CHRNA7: variants seen among roughly 807,000 people sequenced by gnomAD.
The protein encoded by CHRNA7 is neuronal acetylcholine receptor subunit alpha-7.
CHRNA7 carries 17 observed loss-of-function variants against 48.0 expected under a neutral mutation model. The observed-to-expected ratio is 0.35, with a 90% confidence interval of 0.24 to 0.53. The LOEUF is 0.53. Among genes scored for constraint, CHRNA7 ranks in the 20% least tolerant of loss-of-function variants. The pLI is 0.92. For missense variants in CHRNA7, 155 were observed against 577.7 expected (o/e 0.27, Z 7.50); for synonymous variants, 75 against 242.3 (o/e 0.31, Z 6.41).
At chr15:32,048,919 C>T (rs2049609754) in intron 2 of CHRNA7, among the ~76,000 whole-genome samples, 4 of 151,080 alleles carry the variant, frequency 2.6e-5, no homozygotes, top group Admixed American at 2.6e-4. Flanking sequence ...GCCTTCATTT[C>T]GTTATGTACC....
In CHRNA7 at chr15:32,030,622, C is replaced by G; in HGVS notation, c.28C>G (p.Leu10Val). The change falls in exon 1 of 10, where the codon CTG (leucine) becomes GTG (valine). Residue 10 changes from leucine (L) to valine (V), a missense_variant. By Grantham distance (32) the Leu-to-Val change is conservative. Transcript: ENST00000306901. The stretch of plus-strand genomic sequence containing the variant: ...GCGCTGCTCGCCGGGAGGCGTCTGG[C>G]TGGCGCTGGCCGCGTCGCTCCTGCA... The part of the protein sequence containing the change: MRCSPGGVW[L>V]ALAASLLHVS... The G allele has an allele frequency of 1.9e-6, 3 of 1,568,396 alleles. No individual in the cohort carries two copies. Among genetic ancestry groups the G allele is most frequent in the South Asian group, 2.3e-5 (2 of 85,794 alleles).
chr15:32,147,538 G>A (rs1189714532), intron 4 of CHRNA7, among the ~76,000 whole-genome samples: 3 of 152,114 alleles, frequency 2.0e-5, no homozygotes, highest in Non-Finnish European at 4.4e-5. Context: ...GGGTGACAAA[G>A]CATGACCCTG....
intron 2 of CHRNA7, among the ~76,000 whole-genome samples, chr15:32,060,554 A>G (rs537439329): frequency 5.9e-5 from 9 of 152,350 alleles, no homozygotes; most frequent in African/African-American, 2.2e-4. Flanking sequence ...AAATGCTTTA[A>G]GAAAACACAA....
chr15:32,074,500 A>G (rs1025900543), intron 2 of CHRNA7, among the ~76,000 whole-genome samples: 1 of 151,378 alleles, frequency 6.6e-6, no homozygotes, highest in Non-Finnish European at 1.5e-5. Flanking sequence ...AACTGTAGCT[A>G]TAACTGTTTT....
intron 4 of CHRNA7, among the ~76,000 whole-genome samples, chr15:32,122,852 C>T (rs2050996353): frequency 7.6e-6 from 1 of 131,000 alleles, no homozygotes; most frequent in Admixed American, 8.0e-5. Flanking sequence ...TTAAAACACT[C>T]ATGATAAAGG....
At chr15:32,133,412 C>G (rs1279991851) in intron 4 of CHRNA7, among the ~76,000 whole-genome samples, 2 of 152,212 alleles carry the variant, frequency 1.3e-5, no homozygotes, top group Non-Finnish European at 2.9e-5. Flanking sequence ...CCGTGGAGCC[C>G]AGCTCTCTCC....
At chr15:32,087,725 A>G (rs181689085) in intron 2 of CHRNA7, among the ~76,000 whole-genome samples, 1 of 152,326 alleles carries the variant, frequency 6.6e-6, no homozygotes, top group East Asian at 1.9e-4. Flanking sequence ...ATACATGTAC[A>G]GTAGTTTCAG....
intron 2 of CHRNA7, among the ~76,000 whole-genome samples, chr15:32,081,407 TTATC>T (rs1314461736): frequency 6.6e-6 from 1 of 152,204 alleles, no homozygotes; most frequent in African/African-American, 2.4e-5. Flanking sequence ...TGTATTTTGT[TTATC>T]TTTTTTATAT....
chr15:32,086,954 G>A (rs1423248253), intron 2 of CHRNA7, among the ~76,000 whole-genome samples: 1 of 152,094 alleles, frequency 6.6e-6, no homozygotes, highest in Non-Finnish European at 1.5e-5. Flanking sequence ...CAGGTCCCTC[G>A]ACTGCAAAGT....
At chr15:32,030,514 T>G (rs1381495419), upstream of CHRNA7, 13 of 1,298,490 alleles carry the variant, frequency 1.0e-5, no homozygotes, top group Non-Finnish European at 1.3e-5. Context: ...AGCGGCGAGG[T>G]GCCTCTGTGG....
intron 2 of CHRNA7, among the ~76,000 whole-genome samples, chr15:32,053,867 T>C (rs184228033): frequency 6.6e-6 from 1 of 152,078 alleles, no homozygotes; most frequent in African/African-American, 2.4e-5. Flanking sequence ...AGCTCGTAGG[T>C]GTAGGAGCTG....
At chr15:32,080,934 T>C (rs1566825040) in intron 2 of CHRNA7, among the ~76,000 whole-genome samples, 1 of 152,172 alleles carries the variant, frequency 6.6e-6, no homozygotes, top group Non-Finnish European at 1.5e-5. Context: ...GTGGTACATA[T>C]ACACCATGGA....
chr15:32,146,135 C>T (rs2051484582), intron 4 of CHRNA7, among the ~76,000 whole-genome samples: 1 of 152,186 alleles, frequency 6.6e-6, no homozygotes, highest in African/African-American at 2.4e-5. Context: ...CAAGTTTAGG[C>T]TTCTATTAGG....
At chr15:32,146,175 G>C (rs2141348172) in intron 4 of CHRNA7, among the ~76,000 whole-genome samples, 1 of 152,294 alleles carries the variant, frequency 6.6e-6, no homozygotes, top group East Asian at 1.9e-4. Flanking sequence ...TTTCAAAAAA[G>C]TCCATTAATA....
At chr15:32,069,687 C>G (rs1367989090) in intron 2 of CHRNA7, among the ~76,000 whole-genome samples, 1 of 152,116 alleles carries the variant, frequency 6.6e-6, no homozygotes, top group Non-Finnish European at 1.5e-5. Context: ...CCACTGAATT[C>G]TGTACTTTAA....
intron 2 of CHRNA7, among the ~76,000 whole-genome samples, 187 bp downstream of exon 2, chr15:32,031,224 C>T (rs1266680198): frequency 6.6e-6 from 1 of 152,122 alleles, no homozygotes; most frequent in Non-Finnish European, 1.5e-5. Context: ...TTCTCGGTTT[C>T]CCCTCCAGCC....
chr15:32,149,468 C>A lies in CHRNA7; in HGVS notation c.351-4439C>A, dbSNP rs756023908. ...ATTTCCCACCTCAGATCACTGTTTT[C>A]AAACTCAGTTTTCAGCAACAGGGCC... is the stretch of plus-strand genomic sequence containing the variant. On this transcript the variant is annotated intron_variant, in intron 4 of 9. Coordinates refer to ENST00000306901, the MANE Select transcript of CHRNA7 (RefSeq NM_000746.6). The surrounding 1 kb of genome is among the most constrained non-coding windows in gnomAD (Gnocchi z 4.6). Among the ~76,000 whole-genome samples the A allele has an allele frequency of 6.6e-6, 1 of 152,194 alleles. No homozygotes were observed. The highest frequency in any genetic ancestry group is 1.5e-5 in the Non-Finnish European group (1 of 68,034).
intron 4 of CHRNA7, chr15:32,112,136 C>T (rs1015084885): frequency 2.2e-5 from 14 of 622,932 alleles, no homozygotes; most frequent in Non-Finnish European, 2.9e-6. Context: ...ACTTAAGACG[C>T]CCATGAAGTT....
intron 2 of CHRNA7, among the ~76,000 whole-genome samples, chr15:32,058,885 A>G (rs958446786): frequency 6.6e-6 from 1 of 152,150 alleles, no homozygotes; most frequent in African/African-American, 2.4e-5. Flanking sequence ...GAACTTTAAC[A>G]TTTTTAAAGC....
Sources: gnomAD v4.1 joint callset for allele counts (sites outside exome capture counted in the v4.1 genomes callset) on GRCh38, gnomAD v4.1.1 for gene constraint, Gnocchi (gnomAD v3.1) non-coding constraint, MANE v1.5 for transcripts, NCBI Gene and HGNC (gene_info 2026-07-23, HGNC 2026-07-21) for gene names.